The following POMZP3 variants were observed in gnomAD, a reference collection of about 807,000 sequenced individuals.
POMZP3 encodes POM121 and ZP3 fusion, also known as POM121 and ZP3 fusion protein.
Under a neutral mutation model 19.8 loss-of-function variants are expected in POMZP3, and 10 were observed. That is an observed-to-expected ratio of 0.51 (90% CI 0.31 to 0.86). The LOEUF (loss-of-function observed/expected upper bound fraction) is 0.86, where lower values mean the gene tolerates loss of function less well. Among genes scored for constraint, POMZP3 ranks in the 40% least tolerant of loss-of-function variants. POMZP3 has a pLI of 0.04. For missense variants in POMZP3, 152 were observed against 228.1 expected, an observed-to-expected ratio of 0.67 and a Z score of 2.15; for synonymous variants, 57 against 85.8, an observed-to-expected ratio of 0.66 and a Z score of 1.85.
At chr7:76,610,294 G>T in intron 6 of POMZP3, 79 bp from the exon 7 acceptor site, 3 of 1,454,632 alleles carry the variant, frequency 2.1e-6, no homozygotes, top group Admixed American at 1.7e-5. Flanking sequence ...TTCTGCCTCA[G>T]TGGGCTAAAC....
chr7:76,625,907 T>C, intron 2 of POMZP3, 93 bp downstream of exon 2: 1 of 1,560,770 alleles, frequency 6.4e-7, no homozygotes, highest in Non-Finnish European at 8.7e-7. Flanking sequence ...CGTCCTTTCT[T>C]TTTTGCGTTG....
At chr7:76,622,891 A>C (rs1426679137) in intron 3 of POMZP3, among the ~76,000 whole-genome samples, 1 of 144,874 alleles carries the variant, frequency 6.9e-6, no homozygotes, top group Non-Finnish European at 1.5e-5. Flanking sequence ...TTTCTTTTTG[A>C]GTTGGGGTCT....
chr7:76,615,989 A>AGGG (rs1183711360), intron 4 of POMZP3, among the ~76,000 whole-genome samples: 3 of 23,474 alleles, frequency 1.3e-4, no homozygotes, highest in Non-Finnish European at 7.2e-5. Context: ...AAAAAAAAAA[A>AGGG]GGGGGGGGGG....
At chr7:76,624,949 G>C (rs1439682950) in intron 3 of POMZP3, among the ~76,000 whole-genome samples, 10 of 151,058 alleles carry the variant, frequency 6.6e-5, no homozygotes, top group Non-Finnish European at 1.0e-4. Flanking sequence ...TGGCCAACAT[G>C]GTGAAACCCT....
At chr7:76,625,795 C>A (rs1815855160) in intron 2 of POMZP3, 112 bp from the exon 3 acceptor site, 2 of 1,409,962 alleles carry the variant, frequency 1.4e-6, no homozygotes, top group Non-Finnish European at 1.9e-6. Flanking sequence ...ACACTCACAA[C>A]AGTTCCCCTT....
Position 76,625,925 on chromosome 7 carries a change from G to A in POMZP3, c.65+75C>T, listed in dbSNP as rs911372534. The A allele has an allele frequency of 1.9e-6, 3 of 1,595,708 alleles. 1 individual carries two copies. The highest frequency in any genetic ancestry group is 2.2e-5 in the South Asian group (2 of 89,656). ...CCTTTCTTTTTTGCGTTGTAGTCATGTTGTCATAGGAACAACTGGAGAAGA... is the reference window on the plus strand; with the variant it reads ...CCTTTCTTTTTTGCGTTGTAGTCATATTGTCATAGGAACAACTGGAGAAGA... On this transcript the variant is annotated intron_variant, in intron 2 of 6. Coordinates refer to ENST00000310842, the MANE Select transcript of POMZP3 (RefSeq NM_012230.5).
intron 6 of POMZP3, among the ~76,000 whole-genome samples, chr7:76,610,806 G>T (rs759703602): frequency 6.5e-4 from 97 of 150,352 alleles, no homozygotes; most frequent in Middle Eastern, 6.9e-3. Context: ...GGGCTCAAGC[G>T]ATTTCCCTGG....
Position 76,627,216 on chromosome 7 carries a change from G to T in POMZP3, c.-660C>A, listed in dbSNP as rs1275780737. ...CTGACACTCGCTATCGGCCGCCGCC[G>T]CTCGCCTGCTCCAGCCGCCGCAGCC... On this transcript the variant is annotated 5_prime_UTR_variant, in exon 1 of 7. Transcript: ENST00000310842. 2.1e-6 allele frequency: 3 copies of T among 1,422,714 alleles called. No homozygotes were observed. The African/African-American group carries it at 4.4e-5, about 21-fold the overall frequency. The allele number at this position is 1,422,714 out of a possible 1,614,324, so 88.1% of individuals were successfully genotyped here.
chr7:76,627,184 G>A lies in POMZP3; in HGVS notation c.-628C>T. ...CGACAGGCCGAGAAGCGCCGCCCCG[G>A]CCGGCCCTGACACTCGCTATCGGCC... On this transcript the variant is annotated 5_prime_UTR_variant, in exon 1 of 7. Coordinates refer to ENST00000310842, the MANE Select transcript of POMZP3 (RefSeq NM_012230.5). 2 of 1,443,214 alleles carry A rather than the reference G, an allele frequency of 1.4e-6. No homozygotes were observed. Among genetic ancestry groups the A allele is most frequent in the South Asian group, 1.3e-5 (1 of 74,960 alleles). The allele number at this position is 1,443,214 out of a possible 1,614,324, so 89.4% of individuals were successfully genotyped here. A position where few individuals can be genotyped will look rare whatever the true frequency, so the allele number is the denominator to read the frequency against.
At chr7:76,622,581 G>A (rs1485654177) in intron 3 of POMZP3, among the ~76,000 whole-genome samples, 6 of 151,418 alleles carry the variant, frequency 4.0e-5, no homozygotes, top group Non-Finnish European at 8.9e-5. Context: ...GGCCAGGCTG[G>A]TCTTGAACTC....
intron 3 of POMZP3, among the ~76,000 whole-genome samples, chr7:76,619,072 G>C (rs1382025677): frequency 6.6e-6 from 1 of 152,158 alleles, no homozygotes; most frequent in Non-Finnish European, 1.5e-5. Flanking sequence ...ACAGGCATGA[G>C]CCACCACGCC....
At chr7:76,614,551 A>G (rs1584341528) in intron 4 of POMZP3, among the ~76,000 whole-genome samples, 1 of 57,404 alleles carries the variant, frequency 1.7e-5, no homozygotes, top group Non-Finnish European at 3.3e-5. Context: ...CAAGAGTGAC[A>G]CTCCATTTCC....
chr7:76,613,454 AC>A (rs1398442400), intron 4 of POMZP3, among the ~76,000 whole-genome samples: 6 of 96,072 alleles, frequency 6.2e-5, no homozygotes, highest in African/African-American at 7.2e-5. Context: ...GAGCTGAAGG[AC>A]CCCCCCCACC....
chr7:76,625,620 T>C lies in POMZP3; in HGVS notation c.129A>G (p.Ala43=). 6.2e-7 allele frequency: 1 copy of C among 1,613,842 alleles called. No individual in the cohort carries two copies. The highest frequency in any genetic ancestry group is 8.5e-7 in the Non-Finnish European group (1 of 1,179,814). Reference sequence around the variant, plus strand: ...TGAGGGCACTCAGTACAGTCTCCTTTGCACATGGGTCTGGGGCATTACTTG... The same window carrying C: ...TGAGGGCACTCAGTACAGTCTCCTTCGCACATGGGTCTGGGGCATTACTTG... The part of the protein sequence containing the change: ...SPSSNAPDPC[A]KETVLSALKE... Residue 43 remains alanine (A), a synonymous_variant, in exon 3 of 7, where the codon GCA becomes GCG. Coordinates refer to ENST00000310842, the MANE Select transcript of POMZP3 (RefSeq NM_012230.5).
intron 4 of POMZP3, among the ~76,000 whole-genome samples, chr7:76,617,404 C>T (rs560938943): frequency 1.1e-5 from 1 of 94,050 alleles, no homozygotes; most frequent in Non-Finnish European, 2.2e-5. Context: ...TTCTCCTTCC[C>T]TCTTAGTGTC....
At chr7:76,618,048 GCTTTA>G in intron 4 of POMZP3, 130 bp downstream of exon 4, 1 of 643,468 alleles carries the variant, frequency 1.6e-6, no homozygotes, top group Non-Finnish European at 2.7e-6. Flanking sequence ...AAAGCTCATG[GCTTTA>G]CTTGTAAGTT....
intron 6 of POMZP3, among the ~76,000 whole-genome samples, chr7:76,610,499 A>G (rs549956702): frequency 5.9e-5 from 9 of 151,866 alleles, no homozygotes; most frequent in African/African-American, 2.2e-4. Context: ...TGAAAATAAA[A>G]AAGTTAACTG....
At chr7:76,618,572 A>C in intron 3 of POMZP3, 1 of 448,986 alleles carries the variant, frequency 2.2e-6, no homozygotes, top group South Asian at 2.2e-5. Flanking sequence ...AGTGAGCCAA[A>C]ATTGCACCAT....
At chr7:76,611,056 T>A (rs1368865384) in intron 6 of POMZP3, among the ~76,000 whole-genome samples, 42 of 142,344 alleles carry the variant, frequency 3.0e-4, no homozygotes, top group African/African-American at 1.1e-3. Flanking sequence ...TTATTTTTAG[T>A]AGAGATGGGG....
Sources: gnomAD v4.1 joint callset for allele counts (sites outside exome capture counted in the v4.1 genomes callset) on GRCh38, gnomAD v4.1.1 for gene constraint, MANE v1.5 for transcripts, NCBI Gene and HGNC (gene_info 2026-07-23, HGNC 2026-07-21) for gene names.